The following FAM3D variants were observed in gnomAD, a reference collection of about 807,000 sequenced individuals.
FAM3D encodes the protein FAM3 metabolism regulating signaling molecule D, also known as protein FAM3D.
In FAM3D, 26 loss-of-function variants were observed where a neutral mutation model predicts 29.8. The ratio of observed to expected loss-of-function variants is 0.87; its 90% CI spans 0.64 to 1.21. FAM3D has a LOEUF of 1.21. Among genes scored for constraint, FAM3D ranks in the 50% most tolerant of loss-of-function variants. The pLI is 0.00. For missense variants in FAM3D, 253 were observed against 290.9 expected, an observed-to-expected ratio of 0.87 and a Z score of 0.95; for synonymous variants, 115 against 102.3, an observed-to-expected ratio of 1.12 and a Z score of -0.75.
rs531865043 is a variant in FAM3D, at chr3:58,653,682, C to T, written c.113G>A (p.Arg38His). 82 of 1,613,684 alleles carry T rather than the reference C, an allele frequency of 5.1e-5. No homozygotes were observed. The highest frequency in any genetic ancestry group is 3.4e-4 in the Middle Eastern group (2 of 5,948). ...SFSMKTIRLP[R>H]WLAASPTKEI... ...CAGTGAGCCCCACTCACCCAGCCAG[C>T]GTGGCAGACGGATGGTTTTCATGCT... The change falls in exon 3 of 10, where the codon CGC becomes CAC. Residue 38 changes from arginine to histidine, a missense_variant. Transcript: ENST00000358781.
chr3:58,663,002 G>A (rs983936667), intron 1 of FAM3D, among the ~76,000 whole-genome samples: 1 of 152,190 alleles, frequency 6.6e-6, no homozygotes, highest in Non-Finnish European at 1.5e-5. Context: ...GAGTTCAAGC[G>A]ATTCTCCTGC....
intron 2 of FAM3D, 137 bp downstream of exon 2, chr3:58,655,414 C>T (rs1192314183): frequency 5.3e-6 from 6 of 1,124,458 alleles, no homozygotes; most frequent in Non-Finnish European, 7.5e-6. Context: ...TCTACTCTTC[C>T]AGCCTCCCCT....
intron 1 of FAM3D, among the ~76,000 whole-genome samples, chr3:58,661,529 C>T (rs969406085): frequency 1.3e-5 from 2 of 152,198 alleles, no homozygotes; most frequent in East Asian, 3.9e-4. Flanking sequence ...CCAGGTCACC[C>T]TCAGTAAGTG....
intron 1 of FAM3D, among the ~76,000 whole-genome samples, chr3:58,662,226 G>A (rs2066945767): frequency 6.6e-6 from 1 of 152,210 alleles, no homozygotes; most frequent in South Asian, 2.1e-4. Flanking sequence ...GGCCAAGCAT[G>A]AAGCATGAAG....
intron 3 of FAM3D, among the ~76,000 whole-genome samples, chr3:58,653,270 G>T (rs986966605): frequency 6.6e-6 from 1 of 152,088 alleles, no homozygotes. Flanking sequence ...GAGGGCAGGT[G>T]GGGGGGATCT....
chr3:58,643,707 C>A lies in FAM3D; in HGVS notation c.277G>T (p.Val93Leu). ...CFEDRMIMSP[V>L]KNNVGRGLNI... ...AGGCCTCTGCCCACATTGTTTTTCACAGGACTCATGATCCTGAAGACAATG... is the reference window on the plus strand; with the variant it reads ...AGGCCTCTGCCCACATTGTTTTTCAAAGGACTCATGATCCTGAAGACAATG... The change falls in exon 6 of 10, where the codon GTG (valine) becomes TTG (leucine). Residue 93 changes from valine (V) to leucine (L), a missense_variant. Transcript: ENST00000358781. 6.2e-7 allele frequency: 1 copy of A among 1,613,988 alleles called. No homozygotes were observed. Among genetic ancestry groups the A allele is most frequent in the Non-Finnish European group, 8.5e-7 (1 of 1,180,030 alleles).
intron 6 of FAM3D, among the ~76,000 whole-genome samples, chr3:58,642,041 G>A (rs2106763959): frequency 6.6e-6 from 1 of 152,270 alleles, no homozygotes; most frequent in South Asian, 2.1e-4. Context: ...GTCTTCTGGG[G>A]TCTGGCATGC....
At chr3:58,665,258 C>T (rs1349000075) in intron 1 of FAM3D, among the ~76,000 whole-genome samples, 1 of 152,038 alleles carries the variant, frequency 6.6e-6, no homozygotes, top group Non-Finnish European at 1.5e-5. Flanking sequence ...GGCGCAACAA[C>T]CTCACTGACT....
chr3:58,635,531 C>T lies in FAM3D; in HGVS notation c.585+763G>A, dbSNP rs943018881. Among the ~76,000 whole-genome samples, 1 of 152,336 alleles carries T rather than the reference C, an allele frequency of 6.6e-6. No homozygotes were observed. The highest frequency in any genetic ancestry group is 2.1e-4 in the South Asian group (1 of 4,826). ...CCGGTTCCCCTGGGTCTGGAGCCCA[C>T]GCTTTGGGGCAGGAAAGCACCACCT... On this transcript the variant is annotated intron_variant, in intron 9 of 9. Transcript: ENST00000358781. The surrounding 1 kb of genome is among the most constrained non-coding windows in gnomAD (Gnocchi z 5.2).
rs1443449054 is a variant in FAM3D at position 58,643,709 on chromosome 3, G to C, written c.275C>G (p.Pro92Arg). 4.3e-6 allele frequency: 7 copies of C among 1,614,000 alleles called. No individual in the cohort carries two copies. Among genetic ancestry groups the C allele is most frequent in the Non-Finnish European group, 5.1e-6 (6 of 1,180,030 alleles). Residue 92 changes from proline (P) to arginine (R), a missense_variant, in exon 6 of 10, where the codon CCT (proline) becomes CGT (arginine). Pro to Arg is a moderately radical substitution (Grantham distance 103). Coordinates refer to ENST00000358781, the MANE Select transcript of FAM3D (RefSeq NM_138805.3). ...MCFEDRMIMSPVKNNVGRGLN... is the reference protein window; with the variant it reads ...MCFEDRMIMSRVKNNVGRGLN... ...GCCTCTGCCCACATTGTTTTTCACA[G>C]GACTCATGATCCTGAAGACAATGAA...
At chr3:58,650,982 G>T (rs1462150335) in intron 3 of FAM3D, among the ~76,000 whole-genome samples, 2 of 149,684 alleles carry the variant, frequency 1.3e-5, no homozygotes, top group Non-Finnish European at 3.0e-5. Context: ...ATCCCAAAGT[G>T]CTGGGATTAC....
chr3:58,653,894 T>A, intron 2 of FAM3D, 113 bp from the exon 3 acceptor site: 1 of 796,630 alleles, frequency 1.3e-6, no homozygotes, highest in East Asian at 2.5e-5. Flanking sequence ...TCAGACCACA[T>A]CCATGCTGGG....
At chr3:58,638,730 G>T (rs942225503) in intron 7 of FAM3D, among the ~76,000 whole-genome samples, 1 of 152,158 alleles carries the variant, frequency 6.6e-6, no homozygotes, top group African/African-American at 2.4e-5. Flanking sequence ...ATTCCAGTGC[G>T]GACCTCTAGG....
At position 58,637,004 on chromosome 3, in the gene FAM3D, G is replaced by T. The variant is rs148915051; in HGVS notation, c.458+137C>A. 4.0e-4 allele frequency: 284 copies of T among 718,612 alleles called. No individual in the cohort carries two copies. The East Asian group carries it at 5.0e-3, about 13-fold the overall frequency. The allele number at this position is 718,612 out of a possible 1,614,324, so 44.5% of individuals were successfully genotyped here. On this transcript the variant is annotated intron_variant, in intron 8 of 9. Transcript: ENST00000358781. The stretch of plus-strand genomic sequence containing the variant: ...GATGAACCTCCTAGAACATTTCTTT[G>T]CATACTTGTCTGATAATTTCCTCGA...
intron 7 of FAM3D, among the ~76,000 whole-genome samples, 191 bp from the exon 8 acceptor site, chr3:58,637,416 C>G (rs1270260041): frequency 6.6e-6 from 1 of 152,040 alleles, no homozygotes; most frequent in Non-Finnish European, 1.5e-5. Context: ...GGCAGAGTGA[C>G]CAGAGTGAGG....
intron 6 of FAM3D, among the ~76,000 whole-genome samples, chr3:58,642,585 C>T (rs1422501884): frequency 6.6e-6 from 1 of 152,180 alleles, no homozygotes; most frequent in Non-Finnish European, 1.5e-5. Flanking sequence ...GCTAGACCAC[C>T]TGGTCCTTAC....
intron 2 of FAM3D, 89 bp from the exon 3 acceptor site, chr3:58,653,870 C>T: frequency 1.0e-6 from 1 of 970,300 alleles, no homozygotes; most frequent in South Asian, 1.3e-5. Context: ...TCCCACAGAC[C>T]CCATGCTATA....
In FAM3D at chr3:58,643,660, A is replaced by G; in HGVS notation, c.322+2T>C. 6.2e-7 allele frequency: 1 copy of G among 1,613,460 alleles called. No homozygotes were observed. The highest frequency in any genetic ancestry group is 8.5e-7 in the Non-Finnish European group (1 of 1,179,998). On this transcript the variant is annotated splice_donor_variant, in intron 6 of 9. Coordinates refer to ENST00000358781, the MANE Select transcript of FAM3D (RefSeq NM_138805.3). LOFTEE classifies it high-confidence loss of function. ...CTGTCTGGGGATGGATATGCAACTC[A>G]CCATTCACCAGGGCGATGTTTAGGC... is the stretch of plus-strand genomic sequence containing the variant.
chr3:58,663,944 A>T (rs2066980937), intron 1 of FAM3D, among the ~76,000 whole-genome samples: 1 of 152,190 alleles, frequency 6.6e-6, no homozygotes, highest in Non-Finnish European at 1.5e-5. Context: ...ACTTTGTGGA[A>T]TGTGGCCTCC....
Sources: gnomAD v4.1 joint callset for allele counts (sites outside exome capture counted in the v4.1 genomes callset) on GRCh38, gnomAD v4.1.1 for gene constraint, Gnocchi (gnomAD v3.1) non-coding constraint, MANE v1.5 for transcripts, NCBI Gene and HGNC (gene_info 2026-07-23, HGNC 2026-07-21) for gene names.